CPXM2: variants seen among roughly 807,000 people sequenced by gnomAD.
The protein encoded by CPXM2 is carboxypeptidase X, M14 family member 2.
Under a neutral mutation model 86.1 loss-of-function variants are expected in CPXM2, and 66 were observed. The observed-to-expected ratio is 0.77, with a 90% CI of 0.63 to 0.94. The LOEUF (loss-of-function observed/expected upper bound fraction) is 0.94, where lower values mean the gene tolerates loss of function less well. Ranked by LOEUF, CPXM2 falls within the 40% of genes least tolerant of loss-of-function variation. CPXM2 has a pLI of 0.00. For missense variants in CPXM2, 948 were observed against 1,026.3 expected, an observed-to-expected ratio of 0.92 and a Z score of 1.04; for synonymous variants, 388 against 400.2, an observed-to-expected ratio of 0.97 and a Z score of 0.36.
intron 10 of CPXM2, 73 bp downstream of exon 10, chr10:123,766,900 A>G (rs1846489398): frequency 8.3e-7 from 1 of 1,209,758 alleles, no homozygotes; most frequent in Admixed American, 1.7e-5. Context: ...TAAATGTGCT[A>G]TCCTCTGCAA....
intron 2 of CPXM2, among the ~76,000 whole-genome samples, chr10:123,868,398 A>G (rs1305753806): frequency 6.6e-6 from 1 of 152,228 alleles, no homozygotes; most frequent in Admixed American, 6.5e-5. Flanking sequence ...ACCGGCGTCC[A>G]GGAAACCTCC....
At chr10:123,897,822 G>A (rs763727954) in intron 2 of CPXM2, among the ~76,000 whole-genome samples, 5 of 152,226 alleles carry the variant, frequency 3.3e-5, no homozygotes, top group South Asian at 4.1e-4. Flanking sequence ...ATGCTGCCCC[G>A]GCCCCCGGCT....
chr10:123,916,464 C>T (rs1945534199), intron 2 of CPXM2, among the ~76,000 whole-genome samples: 4 of 152,186 alleles, frequency 2.6e-5, no homozygotes. Flanking sequence ...TCACTCTGTG[C>T]TCCTTTCCAT....
intron 13 of CPXM2, chr10:123,750,333 A>G (rs1846046940): frequency 3.1e-6 from 3 of 977,056 alleles, no homozygotes; most frequent in Non-Finnish European, 2.4e-6. Flanking sequence ...CCCCTTCCAC[A>G]TCATTGCACT....
At chr10:123,867,793 A>G (rs1302371801) in intron 2 of CPXM2, among the ~76,000 whole-genome samples, 3 of 152,164 alleles carry the variant, frequency 2.0e-5, no homozygotes. Flanking sequence ...TTGGCCTCCC[A>G]AAGTGCTGGG....
intron 6 of CPXM2, among the ~76,000 whole-genome samples, chr10:123,795,576 G>A (rs1299080423): frequency 6.6e-6 from 1 of 152,164 alleles, no homozygotes; most frequent in African/African-American, 2.4e-5. Flanking sequence ...AATCTCCCTA[G>A]CACCGGGGTG....
chr10:123,790,505 A>G (rs1237798313), intron 6 of CPXM2, among the ~76,000 whole-genome samples: 1 of 152,198 alleles, frequency 6.6e-6, no homozygotes, highest in African/African-American at 2.4e-5. Context: ...TAAACTTTAA[A>G]ATGGAGAACA....
At chr10:123,765,192 A>G (rs889063870) in intron 10 of CPXM2, among the ~76,000 whole-genome samples, 3 of 152,244 alleles carry the variant, frequency 2.0e-5, no homozygotes, top group African/African-American at 7.2e-5. Context: ...TGAGAAGAAT[A>G]TTCTCTAATC....
In CPXM2 at chr10:123,876,061, C is replaced by A. The variant is rs191755212; in HGVS notation, c.403+4150G>T. The stretch of plus-strand genomic sequence containing the variant: ...CAAACTCCTTACCTCAGGTGATCCA[C>A]CTGCCTCGGCCTCCCAAAGTGCTAG... On this transcript the variant is annotated intron_variant, in intron 2 of 13. Coordinates refer to ENST00000241305, the MANE Select transcript of CPXM2 (RefSeq NM_198148.3). 1.1e-3 allele frequency among the ~76,000 whole-genome samples: 161 copies of A among 152,126 alleles called. 1 individual carries two copies. The highest frequency in any genetic ancestry group is 1.5e-3 in the Non-Finnish European group (100 of 68,002).
chr10:123,807,102 G>A (rs929873218), intron 4 of CPXM2, among the ~76,000 whole-genome samples: 9 of 152,156 alleles, frequency 5.9e-5, no homozygotes, highest in Non-Finnish European at 1.2e-4. Context: ...TGCCTGGCAC[G>A]TAGTAACTGT....
chr10:123,862,900 T>A (rs1848886278), intron 2 of CPXM2, among the ~76,000 whole-genome samples, 177 bp from the exon 3 acceptor site: 1 of 152,220 alleles, frequency 6.6e-6, no homozygotes. Context: ...TGTTCTTTCT[T>A]GTTGGCATTT....
At chr10:123,788,279 CAA>C (rs55818352) in intron 6 of CPXM2, among the ~76,000 whole-genome samples, 88,288 of 124,178 alleles carry the variant, frequency 0.71, 30,795 homozygotes, top group Admixed American at 0.72. Context: ...GACCCCATCT[CAA>C]AAAAAAAAAA....
At position 123,891,615 on chromosome 10, in the gene CPXM2, G is replaced by A. The variant is rs1297161461; in HGVS notation, c.45C>T (p.Leu15=). The A allele has an allele frequency of 1.3e-6, 2 of 1,502,132 alleles. No individual in the cohort carries two copies. The allele number at this position is 1,502,132 out of a possible 1,614,324, so 93.1% of individuals were successfully genotyped here. The part of the protein sequence containing the change: ...GTATPALALV[L]LAVTLAGVGA... ...CGACCCCGGCCAGGGTCACTGCCAGGAGCACCAGGGCCAGCGCTGGGGTAG... is the reference window on the plus strand; with the variant it reads ...CGACCCCGGCCAGGGTCACTGCCAGAAGCACCAGGGCCAGCGCTGGGGTAG... Residue 15 remains leucine, a synonymous_variant, in exon 1 of 14, where the codon CTC becomes CTT. Coordinates refer to ENST00000241305, the MANE Select transcript of CPXM2 (RefSeq NM_198148.3). This position sits in a 1 kb window ranked among gnomAD's most constrained non-coding sequence, Gnocchi z 5.6.
intron 2 of CPXM2, among the ~76,000 whole-genome samples, chr10:123,926,723 C>G (rs1233143380): frequency 6.6e-6 from 1 of 152,192 alleles, no homozygotes; most frequent in Non-Finnish European, 1.5e-5. Context: ...CAGAGTGCAG[C>G]AGCCATATTG....
chr10:123,851,507 T>C (rs371226084), intron 3 of CPXM2, among the ~76,000 whole-genome samples: 268 of 152,252 alleles, frequency 1.8e-3, no homozygotes, highest in African/African-American at 6.0e-3. Flanking sequence ...CGGTGGCTCA[T>C]GCCTGTAATC....
Position 123,746,702 on chromosome 10 carries a change from A to C in CPXM2, c.*62T>G. 1 of 1,490,878 alleles carries C rather than the reference A, an allele frequency of 6.7e-7. No individual in the cohort carries two copies. Among genetic ancestry groups the C allele is most frequent in the Non-Finnish European group, 9.3e-7 (1 of 1,080,798 alleles). The allele number at this position is 1,490,878 out of a possible 1,614,324, so 92.4% of individuals were successfully genotyped here. On this transcript the variant is annotated 3_prime_UTR_variant, in exon 14 of 14. Coordinates refer to ENST00000241305, the MANE Select transcript of CPXM2 (RefSeq NM_198148.3). ...ACAACAGTGAGTGAGTCCACTATGG[A>C]GCTACTACCAGGTTGGTTTAATTTG...
At chr10:123,849,833 C>A (rs1407433887) in intron 3 of CPXM2, among the ~76,000 whole-genome samples, 1 of 152,116 alleles carries the variant, frequency 6.6e-6, no homozygotes, top group Non-Finnish European at 1.5e-5. Context: ...CCTAAGTGTG[C>A]AGCTCAACCA....
At chr10:123,877,088 C>G (rs995648614) in intron 2 of CPXM2, among the ~76,000 whole-genome samples, 5 of 152,192 alleles carry the variant, frequency 3.3e-5, no homozygotes, top group African/African-American at 1.2e-4. Flanking sequence ...AAAAAACAAG[C>G]CCTCATCTGG....
chr10:123,847,626 G>C (rs551753180), intron 3 of CPXM2, among the ~76,000 whole-genome samples: 30 of 152,254 alleles, frequency 2.0e-4, no homozygotes, highest in African/African-American at 7.0e-4. Flanking sequence ...GGTAGTCAGG[G>C]GCCGGGTGGA....
Sources: gnomAD v4.1 joint callset for allele counts (sites outside exome capture counted in the v4.1 genomes callset) on GRCh38, gnomAD v4.1.1 for gene constraint, Gnocchi (gnomAD v3.1) non-coding constraint, MANE v1.5 for transcripts, NCBI Gene and HGNC (gene_info 2026-07-23, HGNC 2026-07-21) for gene names.